CADM2: variants seen among roughly 807,000 people sequenced by gnomAD.
CADM2 encodes the protein cell adhesion molecule 2.
CADM2 carries 12 observed loss-of-function variants against 49.8 expected under a neutral mutation model. That is an observed-to-expected ratio of 0.24 (90% CI 0.15 to 0.39). The LOEUF (loss-of-function observed/expected upper bound fraction) is 0.39, where lower values mean the gene tolerates loss of function less well. Ranked by LOEUF, CADM2 falls within the 10% of genes least tolerant of loss-of-function variation. The pLI is 1.00. For synonymous variants in CADM2, 214 were observed against 175.4 expected (o/e 1.22, Z -1.74); for missense variants, 378 against 492.3 (o/e 0.77, Z 2.20).
chr3:85,391,158 A>C (rs1253042813), intron 1 of CADM2, among the ~76,000 whole-genome samples: 1 of 152,050 alleles, frequency 6.6e-6, no homozygotes, highest in African/African-American at 2.4e-5. Flanking sequence ...TCTTTCCAAT[A>C]GATTGGGAGT....
chr3:85,931,546 CT>C (rs1291619639), intron 6 of CADM2, among the ~76,000 whole-genome samples: 90 of 152,264 alleles, frequency 5.9e-4, no homozygotes, highest in Middle Eastern at 6.8e-3. Flanking sequence ...GATATATCAA[CT>C]ACTTTTAAAA....
At chr3:85,973,995 T>C (rs1726469495) in intron 8 of CADM2, among the ~76,000 whole-genome samples, 1 of 151,802 alleles carries the variant, frequency 6.6e-6, no homozygotes, top group African/African-American at 2.4e-5. Context: ...TATTCTGAAA[T>C]GAAAAGCTAA....
At chr3:85,314,959 A>T (rs1393722071) in intron 1 of CADM2, among the ~76,000 whole-genome samples, 1 of 152,216 alleles carries the variant, frequency 6.6e-6, no homozygotes, top group Non-Finnish European at 1.5e-5. Context: ...ACCTTAAAAC[A>T]ATATAAGTTT....
At chr3:85,799,287 G>A (rs533431260) in intron 2 of CADM2, among the ~76,000 whole-genome samples, 1 of 152,010 alleles carries the variant, frequency 6.6e-6, no homozygotes, top group Non-Finnish European at 1.5e-5. Context: ...GATTGTTCTG[G>A]CTAGAATTTC....
intron 8 of CADM2, among the ~76,000 whole-genome samples, chr3:85,964,860 T>C (rs1040039198): frequency 7.2e-5 from 11 of 151,782 alleles, no homozygotes; most frequent in Non-Finnish European, 1.6e-4. Flanking sequence ...ATTTTCTTCT[T>C]TATAAAAATG....
At chr3:85,933,804 A>G (rs1720881704) in intron 6 of CADM2, among the ~76,000 whole-genome samples, 1 of 152,094 alleles carries the variant, frequency 6.6e-6, no homozygotes, top group East Asian at 1.9e-4. Flanking sequence ...AGGCAGGAAA[A>G]AAGTCAACAT....
chr3:85,321,158 T>G (rs59767269), intron 1 of CADM2, among the ~76,000 whole-genome samples: 1 of 63,486 alleles, frequency 1.6e-5, no homozygotes, highest in African/African-American at 6.8e-5. Context: ...TTTTTTTTTT[T>G]TTTTTTTTGC....
At chr3:85,707,139 A>G (rs545762969) in intron 1 of CADM2, among the ~76,000 whole-genome samples, 2 of 152,056 alleles carry the variant, frequency 1.3e-5, no homozygotes, top group Admixed American at 6.6e-5. Flanking sequence ...ACCTTACTTT[A>G]TACTGTATAT....
chr3:85,842,131 A>G (rs921722046), intron 3 of CADM2, among the ~76,000 whole-genome samples: 1 of 152,122 alleles, frequency 6.6e-6, no homozygotes, highest in Non-Finnish European at 1.5e-5. Context: ...AACATTCACC[A>G]TGAACTCTCG....
chr3:85,528,058 A>G (rs529746779), intron 1 of CADM2, among the ~76,000 whole-genome samples: 4 of 152,178 alleles, frequency 2.6e-5, no homozygotes, highest in Non-Finnish European at 5.9e-5. Context: ...GACAAAGATC[A>G]CTTTTGCCAC....
intron 1 of CADM2, among the ~76,000 whole-genome samples, chr3:85,625,431 G>C (rs566892629): frequency 2.6e-5 from 4 of 151,856 alleles, no homozygotes; most frequent in Non-Finnish European, 5.9e-5. Flanking sequence ...CATGCTATTA[G>C]GTAAATAAAT....
chr3:85,037,709 C>T (rs951566803), intron 1 of CADM2, among the ~76,000 whole-genome samples: 2 of 152,058 alleles, frequency 1.3e-5, no homozygotes, highest in South Asian at 2.1e-4. Context: ...ATTATATATG[C>T]CTTGGGACAG....
At position 85,344,356 on chromosome 3, in the gene CADM2, A is replaced by G. The variant is rs558242483; in HGVS notation, c.62-382166A>G. On this transcript the variant is annotated intron_variant, in intron 1 of 9. Coordinates refer to ENST00000383699, the MANE Select transcript of CADM2 (RefSeq NM_001167675.2). ...AGATTGCGCCACTGCACTCCAGCCC[A>G]GCGACAGAGTGAGACACCATCTCAA... 4.6e-5 allele frequency among the ~76,000 whole-genome samples: 7 copies of G among 151,324 alleles called. No homozygotes were observed. In the South Asian group the frequency reaches 8.3e-4, roughly 18 times the overall value.
intron 1 of CADM2, among the ~76,000 whole-genome samples, chr3:85,472,381 T>C (rs2038804714): frequency 1.3e-5 from 2 of 151,828 alleles, no homozygotes; most frequent in Admixed American, 6.6e-5. Flanking sequence ...GTGTTATTCA[T>C]ACACACACGC....
chr3:85,767,893 T>C (rs889326554), intron 2 of CADM2, among the ~76,000 whole-genome samples: 1 of 152,148 alleles, frequency 6.6e-6, no homozygotes, highest in Non-Finnish European at 1.5e-5. Context: ...TAATTTAGCA[T>C]CTTAAACTTA....
At chr3:85,593,286 C>A (rs2063156086) in intron 1 of CADM2, among the ~76,000 whole-genome samples, 1 of 151,954 alleles carries the variant, frequency 6.6e-6, no homozygotes, top group African/African-American at 2.4e-5. Flanking sequence ...ATTAACTCGT[C>A]ATCTAGCATT....
At chr3:85,109,536 G>T (rs1189939513) in intron 1 of CADM2, among the ~76,000 whole-genome samples, 1 of 151,934 alleles carries the variant, frequency 6.6e-6, no homozygotes, top group Non-Finnish European at 1.5e-5. Context: ...GGCATAGTGG[G>T]ATGGTATAGA....
At chr3:85,646,056 C>T (rs1297050191) in intron 1 of CADM2, among the ~76,000 whole-genome samples, 1 of 151,968 alleles carries the variant, frequency 6.6e-6, no homozygotes, top group African/African-American at 2.4e-5. Context: ...CACTCAAGAC[C>T]AGCCTGGATT....
At chr3:85,165,280 G>A (rs1056150996) in intron 1 of CADM2, among the ~76,000 whole-genome samples, 1 of 151,782 alleles carries the variant, frequency 6.6e-6, no homozygotes, top group African/African-American at 2.4e-5. Context: ...TATTACTTCC[G>A]CAAAGCTTAG....
Sources: gnomAD v4.1 joint callset for allele counts (sites outside exome capture counted in the v4.1 genomes callset) on GRCh38, gnomAD v4.1.1 for gene constraint, MANE v1.5 for transcripts, NCBI Gene and HGNC (gene_info 2026-07-23, HGNC 2026-07-21) for gene names.